The following FAM167A variants were observed in gnomAD, a reference collection of about 807,000 sequenced individuals.
FAM167A encodes the protein protein FAM167A.
In FAM167A, 23 loss-of-function variants were observed where a neutral mutation model predicts 14.9. The ratio of observed to expected loss-of-function variants is 1.55; its 90% CI spans 1.11 to 2.19. FAM167A has a LOEUF of 2.19. Ranked by LOEUF, FAM167A falls within the 30% of genes most tolerant of loss-of-function variation. The pLI is 0.00. For synonymous variants in FAM167A, 174 were observed against 117.7 expected, an observed-to-expected ratio of 1.48 and a Z score of -3.10; for missense variants, 401 against 281.5, an observed-to-expected ratio of 1.42 and a Z score of -3.04.
chr8:11,474,934 AG>A (rs1797820804), intron 1 of FAM167A, among the ~76,000 whole-genome samples: 1 of 152,020 alleles, frequency 6.6e-6, no homozygotes, highest in Non-Finnish European at 1.5e-5. Context: ...GGGAGAAGGG[AG>A]GCAAAAGGAA....
At chr8:11,454,269 T>G (rs757300072) in intron 1 of FAM167A, among the ~76,000 whole-genome samples, 9 of 152,218 alleles carry the variant, frequency 5.9e-5, no homozygotes, top group Non-Finnish European at 1.2e-4. Context: ...CTGTTTCCTC[T>G]GCTGAGCCTG....
chr8:11,448,235 G>T (rs1806871391), intron 1 of FAM167A, among the ~76,000 whole-genome samples: 1 of 151,520 alleles, frequency 6.6e-6, no homozygotes, highest in Non-Finnish European at 1.5e-5. Flanking sequence ...TCAAGACAGG[G>T]ACAGCAGAGC....
In FAM167A at chr8:11,455,770, T is replaced by G. The variant is rs1205217373; in HGVS notation, c.-398+10856A>C. On this transcript the variant is annotated intron_variant, in intron 1 of 2. Coordinates refer to ENST00000284486, the MANE Select transcript of FAM167A (RefSeq NM_053279.3). Reference sequence around the variant, plus strand: ...TTGCTGTGCATGAGTGTGAGTGTATTGGGGGTGGTTGCCCTGCTGGGGTTG... The same window carrying G: ...TTGCTGTGCATGAGTGTGAGTGTATGGGGGGTGGTTGCCCTGCTGGGGTTG... Among the ~76,000 whole-genome samples, 10 of 80,754 alleles carry G rather than the reference T, an allele frequency of 1.2e-4. No homozygotes were observed. In the East Asian group the frequency reaches 1.4e-3, roughly 11 times the overall value. The allele number at this position is 80,754 out of a possible 152,430, so 53.0% of individuals were successfully genotyped here.
intron 1 of FAM167A, among the ~76,000 whole-genome samples, chr8:11,447,577 C>A (rs1806839263): frequency 6.6e-6 from 1 of 152,214 alleles, no homozygotes; most frequent in South Asian, 2.1e-4. Context: ...AAAGTAGCCC[C>A]CAGAGGCAGG....
intron 1 of FAM167A, among the ~76,000 whole-genome samples, chr8:11,460,724 A>G (rs1456146900): frequency 1.3e-5 from 2 of 152,164 alleles, no homozygotes; most frequent in Non-Finnish European, 1.5e-5. Context: ...AGAGAACTGC[A>G]CACCAGAGCC....
At chr8:11,473,813 G>C (rs925537119) in intron 1 of FAM167A, among the ~76,000 whole-genome samples, 10 of 152,166 alleles carry the variant, frequency 6.6e-5, no homozygotes, top group African/African-American at 2.2e-4. Context: ...GTCTTAGACA[G>C]GGAGTAGCAC....
intron 2 of FAM167A, among the ~76,000 whole-genome samples, chr8:11,426,749 T>A (rs2116987817): frequency 6.6e-6 from 1 of 152,322 alleles, no homozygotes; most frequent in South Asian, 2.1e-4. Flanking sequence ...AGCCTTTGGT[T>A]GATCAGTCTT....
chr8:11,427,557 A>G (rs1366632220), intron 2 of FAM167A, among the ~76,000 whole-genome samples: 1 of 152,206 alleles, frequency 6.6e-6, no homozygotes, highest in Admixed American at 6.5e-5. Context: ...TATGCAAATG[A>G]AGGCAGTGTT....
intron 1 of FAM167A, among the ~76,000 whole-genome samples, chr8:11,465,200 G>A (rs1208887272): frequency 2.6e-5 from 4 of 152,164 alleles, no homozygotes; most frequent in Admixed American, 6.5e-5. Flanking sequence ...ACCTTCTCAG[G>A]TCATAAGATG....
chr8:11,453,948 C>A (rs1807128789), intron 1 of FAM167A, among the ~76,000 whole-genome samples: 2 of 152,250 alleles, frequency 1.3e-5, no homozygotes, highest in Non-Finnish European at 2.9e-5. Context: ...CTACTGCCCA[C>A]ACTCCTTGGG....
intron 2 of FAM167A, among the ~76,000 whole-genome samples, chr8:11,430,631 TG>T (rs2087403509): frequency 6.6e-6 from 1 of 152,166 alleles, no homozygotes; most frequent in African/African-American, 2.4e-5. Flanking sequence ...AGAGCCAGGT[TG>T]TTTCTCAAGG....
At chr8:11,463,099 C>A (rs902626585) in intron 1 of FAM167A, among the ~76,000 whole-genome samples, 1 of 152,062 alleles carries the variant, frequency 6.6e-6, no homozygotes, top group Non-Finnish European at 1.5e-5. Flanking sequence ...AAATATTTGT[C>A]CAAAAATGTG....
At chr8:11,452,617 G>A (rs1807070506) in intron 1 of FAM167A, among the ~76,000 whole-genome samples, 1 of 152,140 alleles carries the variant, frequency 6.6e-6, no homozygotes, top group Non-Finnish European at 1.5e-5. Context: ...GGTTGCCTCG[G>A]GTCTGTTTCT....
intron 1 of FAM167A, among the ~76,000 whole-genome samples, chr8:11,474,387 G>A (rs1308556834): frequency 1.3e-5 from 2 of 152,144 alleles, no homozygotes; most frequent in Non-Finnish European, 2.9e-5. Flanking sequence ...AAAACAGGAC[G>A]GCGCATGGAA....
intron 1 of FAM167A, among the ~76,000 whole-genome samples, chr8:11,460,384 A>C (rs997499435): frequency 1.4e-4 from 21 of 152,056 alleles, no homozygotes; most frequent in African/African-American, 4.4e-4. Flanking sequence ...GGGTGTGATG[A>C]CCTCCGTGCC....
At chr8:11,425,440 A>C (rs1054993353) in intron 2 of FAM167A, among the ~76,000 whole-genome samples, 1 of 152,164 alleles carries the variant, frequency 6.6e-6, no homozygotes, top group Admixed American at 6.5e-5. Context: ...CTGCTCAAGG[A>C]CGAGCTGCAG....
upstream of FAM167A, among the ~76,000 whole-genome samples, chr8:11,469,280 A>G (rs1301685532): frequency 6.6e-6 from 1 of 152,218 alleles, no homozygotes; most frequent in Non-Finnish European, 1.5e-5. Context: ...TGTCTTCTGT[A>G]AGCCTGCATT....
chr8:11,462,012 G>A (rs1000343785), intron 1 of FAM167A, among the ~76,000 whole-genome samples: 19 of 152,350 alleles, frequency 1.2e-4, no homozygotes, highest in African/African-American at 4.6e-4. Context: ...GGACTGCCCA[G>A]TGCAGCCTGT....
chr8:11,451,030 G>T (rs746252089), intron 1 of FAM167A, among the ~76,000 whole-genome samples: 17 of 152,240 alleles, frequency 1.1e-4, no homozygotes, highest in Non-Finnish European at 2.2e-4. Context: ...TGCAGGATGA[G>T]GTCATTTCCA....
Sources: allele counts gnomAD v4.1 joint callset (sites outside exome capture counted in the v4.1 genomes callset), GRCh38; gene constraint gnomAD v4.1.1; transcripts MANE v1.5; gene names NCBI Gene and HGNC (gene_info 2026-07-23, HGNC 2026-07-21).